ARHGAP26: variants seen among roughly 807,000 people sequenced by gnomAD.
ARHGAP26 encodes the protein Rho GTPase activating protein 26.
ARHGAP26 carries 38 observed loss-of-function variants against 104.8 expected under a neutral mutation model. That is an observed-to-expected ratio of 0.36 (90% CI 0.28 to 0.48). The LOEUF is 0.48. Ranked by LOEUF, ARHGAP26 falls within the 20% of genes least tolerant of loss-of-function variation. The probability of loss-of-function intolerance (pLI) is 0.99; values close to 1 mark genes in which losing one functional copy is unlikely to be tolerated. For synonymous variants in ARHGAP26, 341 were observed against 340.0 expected, an observed-to-expected ratio of 1.00 and a Z score of -0.03; for missense variants, 704 against 947.9, an observed-to-expected ratio of 0.74 and a Z score of 3.38.
chr5:142,786,123 A>T (rs962705695), intron 1 of ARHGAP26, among the ~76,000 whole-genome samples: 4 of 150,758 alleles, frequency 2.7e-5, no homozygotes, highest in Non-Finnish European at 4.4e-5. Flanking sequence ...GGCTTTTGCC[A>T]CTATGCCTGG....
intron 20 of ARHGAP26, among the ~76,000 whole-genome samples, chr5:143,151,938 C>T (rs1000053551): frequency 6.6e-6 from 1 of 151,770 alleles, no homozygotes; most frequent in South Asian, 2.1e-4. Context: ...CCTGGGCTAC[C>T]GAGCAAGACT....
chr5:143,189,770 C>T (rs35632331), intron 20 of ARHGAP26, among the ~76,000 whole-genome samples: 6,899 of 152,120 alleles, frequency 0.045, 533 homozygotes, highest in African/African-American at 0.16. Context: ...TTTTCTCCTC[C>T]ACCAGCCTGT....
intron 9 of ARHGAP26, among the ~76,000 whole-genome samples, chr5:142,910,809 C>T (rs1442754343): frequency 6.6e-6 from 1 of 152,200 alleles, no homozygotes; most frequent in East Asian, 1.9e-4. Flanking sequence ...AACTCCTGGT[C>T]ACCTTGGCCT....
chr5:143,116,669 A>G (rs1234183480), intron 17 of ARHGAP26, among the ~76,000 whole-genome samples: 1 of 152,118 alleles, frequency 6.6e-6, no homozygotes, highest in African/African-American at 2.4e-5. Flanking sequence ...CCCCACCACC[A>G]TCTTTATCTG....
At chr5:142,823,457 CA>C (rs1766603155) in intron 1 of ARHGAP26, among the ~76,000 whole-genome samples, 1 of 152,134 alleles carries the variant, frequency 6.6e-6, no homozygotes, top group Non-Finnish European at 1.5e-5. Context: ...AATGTGTTCC[CA>C]CTTCTCCCAT....
At position 142,963,163 on chromosome 5, in the gene ARHGAP26, G is replaced by GATATAT. The variant is rs1562163912; in HGVS notation, c.1107+31038_1107+31039insATATAT. Among the ~76,000 whole-genome samples, 201 of 112,072 alleles carry GATATAT rather than the reference G, an allele frequency of 1.8e-3. 9 individuals carry two copies. Among genetic ancestry groups the GATATAT allele is most frequent in the East Asian group, 7.0e-3 (25 of 3,558 alleles). 73.5% of individuals were successfully genotyped at this position (112,072 alleles called of 152,430 possible). A position where few individuals can be genotyped will look rare whatever the true frequency, so the allele number is the denominator to read the frequency against. The stretch of plus-strand genomic sequence containing the variant: ...TTTTTATGGCTGTGTAGTATTCCAT[G>GATATAT]GTATATATGTATATATATATATATA... On this transcript the variant is annotated intron_variant, in intron 11 of 22. Transcript: ENST00000645722.
chr5:143,043,583 A>G (rs1288136776), intron 14 of ARHGAP26, among the ~76,000 whole-genome samples: 1 of 152,170 alleles, frequency 6.6e-6, no homozygotes, highest in Admixed American at 6.5e-5. Flanking sequence ...GCTGGGTTGT[A>G]TGGCGATAGG....
intron 1 of ARHGAP26, among the ~76,000 whole-genome samples, chr5:142,771,817 A>G (rs974410785): frequency 2.0e-5 from 3 of 152,226 alleles, no homozygotes; most frequent in African/African-American, 7.2e-5. Flanking sequence ...GCAATTTTGC[A>G]TTCTGCTTCA....
At chr5:142,848,824 G>T (rs7732115) in intron 1 of ARHGAP26, among the ~76,000 whole-genome samples, 1 of 152,170 alleles carries the variant, frequency 6.6e-6, no homozygotes. Context: ...GCCATGGCTT[G>T]TGGGAATTAA....
chr5:142,775,278 GTT>G (rs1051098067), intron 1 of ARHGAP26, among the ~76,000 whole-genome samples: 34 of 152,128 alleles, frequency 2.2e-4, no homozygotes, highest in South Asian at 1.0e-3. Flanking sequence ...TTTTGTCTGT[GTT>G]TTGGATTTTG....
intron 17 of ARHGAP26, among the ~76,000 whole-genome samples, chr5:143,075,974 T>C (rs1788941582): frequency 6.6e-6 from 1 of 151,752 alleles, no homozygotes; most frequent in Admixed American, 6.6e-5. Context: ...GCTGGGATTA[T>C]AGGCATGAGC....
At chr5:143,025,917 CTA>C (rs1181680711) in intron 12 of ARHGAP26, among the ~76,000 whole-genome samples, 1 of 152,004 alleles carries the variant, frequency 6.6e-6, no homozygotes, top group Non-Finnish European at 1.5e-5. Context: ...TTACTTTACT[CTA>C]TGTCTCTTTC....
At chr5:142,791,848 C>T (rs1323121321) in intron 1 of ARHGAP26, among the ~76,000 whole-genome samples, 2 of 148,896 alleles carry the variant, frequency 1.3e-5, no homozygotes, top group East Asian at 3.9e-4. Flanking sequence ...CCTGTAGTTC[C>T]AGCTATCTGG....
intron 11 of ARHGAP26, 112 bp downstream of exon 11, chr5:142,932,237 G>T (rs1466906889): frequency 1.1e-6 from 1 of 942,926 alleles, no homozygotes; most frequent in Middle Eastern, 2.9e-4. Context: ...CTTGAAACCA[G>T]TGTACCAGAG....
intron 19 of ARHGAP26, among the ~76,000 whole-genome samples, chr5:143,138,657 G>C (rs919570083): frequency 3.9e-5 from 6 of 152,168 alleles, no homozygotes; most frequent in African/African-American, 1.2e-4. Flanking sequence ...CTGTAGAAAG[G>C]TGATTTAGCC....
chr5:142,844,582 A>G lies in ARHGAP26; in HGVS notation c.155-28818A>G, dbSNP rs182767153. Among the ~76,000 whole-genome samples the G allele has an allele frequency of 1.2e-3, 179 of 152,038 alleles. 2 individuals carry two copies. The highest frequency in any genetic ancestry group is 1.9e-3 in the Non-Finnish European group (132 of 67,958). On this transcript the variant is annotated intron_variant, in intron 1 of 22. Transcript: ENST00000645722. ...AGAACTCCAGAATAAGAACTCTTTT[A>G]GGCTGGGCGTAGTGGCTCACGTCTG...
At chr5:143,181,797 TTAAC>T (rs1804418728) in intron 20 of ARHGAP26, among the ~76,000 whole-genome samples, 4 of 152,246 alleles carry the variant, frequency 2.6e-5, no homozygotes, top group African/African-American at 4.8e-5. Flanking sequence ...TTTTAATTCT[TTAAC>T]TATGTTACAG....
At chr5:143,212,873 C>T (rs1332396596) in intron 21 of ARHGAP26, among the ~76,000 whole-genome samples, 5 of 152,146 alleles carry the variant, frequency 3.3e-5, no homozygotes, top group East Asian at 1.9e-4. Context: ...TGGCCGGGCG[C>T]GGTGGCTCAC....
intron 1 of ARHGAP26, among the ~76,000 whole-genome samples, chr5:142,812,713 AT>A (rs1561884528): frequency 2.0e-5 from 3 of 151,618 alleles, no homozygotes; most frequent in Non-Finnish European, 4.4e-5. Context: ...ATTAAAAAAA[AT>A]TTTTTTAGCG....
Sources: allele counts gnomAD v4.1 joint callset (sites outside exome capture counted in the v4.1 genomes callset), GRCh38; gene constraint gnomAD v4.1.1; transcripts MANE v1.5; gene names NCBI Gene and HGNC (gene_info 2026-07-23, HGNC 2026-07-21).